GALNT8: variants seen among roughly 807,000 people sequenced by gnomAD.
GALNT8 encodes the protein probable polypeptide N-acetylgalactosaminyltransferase 8.
A neutral mutation model predicts 62.7 loss-of-function variants in GALNT8; 66 were observed. The observed-to-expected ratio is 1.05, with a 90% CI of 0.86 to 1.29. The LOEUF (loss-of-function observed/expected upper bound fraction) is 1.29, where lower values mean the gene tolerates loss of function less well. Ranked by LOEUF, GALNT8 falls within the 50% of genes most tolerant of loss-of-function variation. The probability of loss-of-function intolerance (pLI) is 0.00; values close to 1 mark genes in which losing one functional copy is unlikely to be tolerated. For synonymous variants in GALNT8, 288 were observed against 294.3 expected (o/e 0.98, Z 0.22); for missense variants, 771 against 791.8 (o/e 0.97, Z 0.32).
At chr12:4,742,665 G>A (rs958362778) in intron 3 of GALNT8, among the ~76,000 whole-genome samples, 1 of 152,108 alleles carries the variant, frequency 6.6e-6, no homozygotes, top group African/African-American at 2.4e-5. Flanking sequence ...GGCTCGGATT[G>A]GGACTTGAAG....
intron 2 of GALNT8, among the ~76,000 whole-genome samples, chr12:4,734,634 A>G (rs1277377914): frequency 6.6e-6 from 1 of 151,830 alleles, no homozygotes; most frequent in Non-Finnish European, 1.5e-5. Context: ...GTGGCTGATT[A>G]CCTTCTGTTG....
chr12:4,759,551 C>CT (rs572152017), intron 6 of GALNT8, among the ~76,000 whole-genome samples: 39 of 144,482 alleles, frequency 2.7e-4, no homozygotes, highest in Admixed American at 1.1e-3. Context: ...GCTTTTTTTT[C>CT]TTTTTTTTTT....
intron 6 of GALNT8, among the ~76,000 whole-genome samples, chr12:4,759,974 T>G (rs910593576): frequency 1.3e-5 from 2 of 152,238 alleles, no homozygotes; most frequent in Non-Finnish European, 2.9e-5. Flanking sequence ...AAAATGAGTA[T>G]TTGTAATTGG....
chr12:4,770,818 A>T (rs1163679519), intron 10 of GALNT8, among the ~76,000 whole-genome samples: 1 of 152,180 alleles, frequency 6.6e-6, no homozygotes, highest in African/African-American at 2.4e-5. Context: ...GTTGAAAGGG[A>T]TAGTAGAGTT....
At chr12:4,761,617 G>GT (rs71445635) in intron 7 of GALNT8, among the ~76,000 whole-genome samples, 65,301 of 150,286 alleles carry the variant, frequency 0.43, 14,347 homozygotes, top group East Asian at 0.56. Context: ...TCTTTTTTAA[G>GT]TTTTTTTTTT....
chr12:4,759,302 A>G (rs1269540497), intron 6 of GALNT8, among the ~76,000 whole-genome samples: 4 of 152,028 alleles, frequency 2.6e-5, no homozygotes, highest in Non-Finnish European at 5.9e-5. Flanking sequence ...GAGAAGGATA[A>G]TGAAAGAAAA....
rs540897385 is a variant in GALNT8 at position 4,764,484 on chromosome 12, A to G, written c.1593+437A>G. Reference sequence around the variant, plus strand: ...ATAGAGGCTGAGCAGACGCTCCTCCAAGGGATGGAAGGGCCCTGGCACCAT... The same window carrying G: ...ATAGAGGCTGAGCAGACGCTCCTCCGAGGGATGGAAGGGCCCTGGCACCAT... On this transcript the variant is annotated intron_variant, in intron 9 of 10. Transcript: ENST00000252318. Among the ~76,000 whole-genome samples, 25 of 148,688 alleles carry G rather than the reference A, an allele frequency of 1.7e-4. No homozygotes were observed. In the South Asian group the frequency reaches 5.0e-3, roughly 29 times the overall value.
intron 10 of GALNT8, among the ~76,000 whole-genome samples, chr12:4,771,506 A>T (rs1946424267): frequency 2.0e-5 from 3 of 152,096 alleles, no homozygotes; most frequent in Non-Finnish European, 4.4e-5. Flanking sequence ...AGGAAGCAGA[A>T]ATTTGGAGAT....
At position 4,749,318 on chromosome 12, in the gene GALNT8, G is replaced by T. The variant is rs527704607; in HGVS notation, c.1173+3060G>T. The stretch of plus-strand genomic sequence containing the variant: ...AGGAAAGGCTTTCAGTTATGTTAAG[G>T]TATGTTTCTTCTATACTTAGTTTTT... On this transcript the variant is annotated intron_variant, in intron 6 of 10. Coordinates refer to ENST00000252318, the MANE Select transcript of GALNT8 (RefSeq NM_017417.2). The surrounding 1 kb of genome is among the most constrained non-coding windows in gnomAD (Gnocchi z 4.1). 6.6e-6 allele frequency among the ~76,000 whole-genome samples: 1 copy of T among 151,866 alleles called. No homozygotes were observed. Among genetic ancestry groups the T allele is most frequent in the East Asian group, 1.9e-4 (1 of 5,166 alleles).
chr12:4,745,979 G>A (rs531862579), intron 5 of GALNT8, among the ~76,000 whole-genome samples, 165 bp from the exon 6 acceptor site: 21 of 152,218 alleles, frequency 1.4e-4, no homozygotes, highest in Non-Finnish European at 2.6e-4. Flanking sequence ...CGCAGTGGGC[G>A]AGGGAAAGCT....
intron 10 of GALNT8, among the ~76,000 whole-genome samples, chr12:4,769,324 C>G (rs1283124005): frequency 3.9e-5 from 6 of 152,146 alleles, no homozygotes; most frequent in African/African-American, 1.4e-4. Flanking sequence ...AGCAACTTGC[C>G]CACGTGTAGG....
intron 3 of GALNT8, among the ~76,000 whole-genome samples, chr12:4,740,050 T>C (rs1946264887): frequency 6.6e-6 from 1 of 152,134 alleles, no homozygotes; most frequent in Admixed American, 6.5e-5. Flanking sequence ...AGGAAGGGAC[T>C]TAGAGTTGCT....
At chr12:4,751,231 A>G (rs1946321178) in intron 6 of GALNT8, among the ~76,000 whole-genome samples, 1 of 152,206 alleles carries the variant, frequency 6.6e-6, no homozygotes, top group Admixed American at 6.5e-5. Flanking sequence ...AGATTTCATG[A>G]CAAAGATGCC....
Position 4,720,524 on chromosome 12 carries a change from CG to C in GALNT8, c.-153del. 3.2e-6 allele frequency: 2 copies of C among 624,156 alleles called. No homozygotes were observed. Among genetic ancestry groups the C allele is most frequent in the Non-Finnish European group, 5.8e-6 (2 of 347,262 alleles). 38.7% of individuals were successfully genotyped at this position (624,156 alleles called of 1,614,324 possible). A position where few individuals can be genotyped will look rare whatever the true frequency, so the allele number is the denominator to read the frequency against. ...GAGACTTTGCTCCTCAGAGGCCACC[CG>C]TGGCTTCCCATGGGTGTCTCACACA... On this transcript the variant is annotated 5_prime_UTR_variant, in exon 1 of 11. Transcript: ENST00000252318.
rs1431151106 is a variant in GALNT8, at chr12:4,726,116, C to T, written c.212-416C>T. Among the ~76,000 whole-genome samples, 1 of 152,138 alleles carries T rather than the reference C, an allele frequency of 6.6e-6. No individual in the cohort carries two copies. The highest frequency in any genetic ancestry group is 1.5e-5 in the Non-Finnish European group (1 of 68,032). On this transcript the variant is annotated intron_variant, in intron 1 of 10. Coordinates refer to ENST00000252318, the MANE Select transcript of GALNT8 (RefSeq NM_017417.2). The surrounding 1 kb of genome is among the most constrained non-coding windows in gnomAD (Gnocchi z 4.1). Reference sequence around the variant, plus strand: ...TTCTCCTGTCTGTATTTCCACCCAACTCTCAGATCCTGATTTAGTGGATTT... The same window carrying T: ...TTCTCCTGTCTGTATTTCCACCCAATTCTCAGATCCTGATTTAGTGGATTT...
rs1011779990 is a variant in GALNT8 at position 4,763,277 on chromosome 12, G to A, written c.1384G>A (p.Val462Ile). Residue 462 changes from valine to isoleucine, a missense_variant, in exon 8 of 11, where the codon GTT (valine) becomes ATT (isoleucine). Transcript: ENST00000252318. ...GAACTCTGGAATAGATTTTGGAGAC[G>A]TTTCTTCCAGAATGGCACTCCGGGA... ...LQNSGIDFGD[V>I]SSRMALREKL... is the part of the protein sequence containing the mutation. The A allele has an allele frequency of 6.2e-7, 1 of 1,611,838 alleles. No homozygotes were observed. Among genetic ancestry groups the A allele is most frequent in the Non-Finnish European group, 8.5e-7 (1 of 1,178,008 alleles).
Position 4,726,744 on chromosome 12 carries a change from G to T in GALNT8, c.424G>T (p.Asp142Tyr), listed in dbSNP as rs1194695041. Residue 142 changes from aspartate to tyrosine, a missense_variant, in exon 2 of 11, where the codon GAC becomes TAC. By Grantham distance (160) the Asp-to-Tyr change is radical. Transcript: ENST00000252318. The surrounding 1 kb of genome is among the most constrained non-coding windows in gnomAD (Gnocchi z 4.1). Reference protein sequence around the residue: ...LSEAQQKAAQDLFRKFGYNAY... With the variant: ...LSEAQQKAAQYLFRKFGYNAY... ...TGAGGCCCAGCAGAAGGCGGCCCAG[G>T]ACCTCTTCCGGAAGTTTGGTTACAA... 6.2e-7 allele frequency: 1 copy of T among 1,613,906 alleles called. No homozygotes were observed. Among genetic ancestry groups the T allele is most frequent in the Non-Finnish European group, 8.5e-7 (1 of 1,180,016 alleles).
At chr12:4,761,666 TG>T (rs765919360) in intron 7 of GALNT8, among the ~76,000 whole-genome samples, 4 of 152,140 alleles carry the variant, frequency 2.6e-5, no homozygotes, top group Non-Finnish European at 5.9e-5. Flanking sequence ...CAGGCTGGTC[TG>T]GAACTCCTGG....
At chr12:4,769,622 G>A (rs907845228) in intron 10 of GALNT8, among the ~76,000 whole-genome samples, 2 of 151,980 alleles carry the variant, frequency 1.3e-5, no homozygotes, top group East Asian at 1.9e-4. Context: ...TATATAGAAT[G>A]TTAAATTTAT....
Sources: allele counts gnomAD v4.1 joint callset (sites outside exome capture counted in the v4.1 genomes callset), GRCh38; gene constraint gnomAD v4.1.1; non-coding constraint Gnocchi (gnomAD v3.1); transcripts MANE v1.5; gene names NCBI Gene and HGNC (gene_info 2026-07-23, HGNC 2026-07-21).